The following PGBD5 variants were observed in gnomAD, a reference collection of about 807,000 sequenced individuals.
PGBD5 encodes piggyBac transposable element derived 5.
A neutral mutation model predicts 47.9 loss-of-function variants in PGBD5; 14 were observed. The ratio of observed to expected loss-of-function variants is 0.29; its 90% CI spans 0.19 to 0.46. The LOEUF is 0.46. PGBD5 is among the 20% of genes least tolerant of loss of function. PGBD5 has a pLI of 1.00. For synonymous variants in PGBD5, 316 were observed against 306.3 expected, an observed-to-expected ratio of 1.03 and a Z score of -0.33; for missense variants, 635 against 716.0, an observed-to-expected ratio of 0.89 and a Z score of 1.29.
chr1:230,366,842 C>T (rs1463138388), intron 1 of PGBD5, among the ~76,000 whole-genome samples: 4 of 152,204 alleles, frequency 2.6e-5, no homozygotes, highest in South Asian at 2.1e-4. Flanking sequence ...TCCCGGGAGC[C>T]GACGTACAGA....
At chr1:230,341,538 C>T (rs1444952605) in intron 3 of PGBD5, among the ~76,000 whole-genome samples, 3 of 152,198 alleles carry the variant, frequency 2.0e-5, no homozygotes, top group Admixed American at 2.0e-4. Context: ...ACAGCAGAAT[C>T]ACTGGGAACC....
intron 3 of PGBD5, among the ~76,000 whole-genome samples, chr1:230,346,584 C>G (rs1667475783): frequency 6.6e-6 from 1 of 152,146 alleles, no homozygotes; most frequent in Non-Finnish European, 1.5e-5. Context: ...TTTCCTGAGC[C>G]CTACCTTATA....
In PGBD5 at chr1:230,357,560, G is replaced by C. The variant is rs920008787; in HGVS notation, c.332-239C>G. 1.3e-5 allele frequency among the ~76,000 whole-genome samples: 2 copies of C among 152,192 alleles called. No individual in the cohort carries two copies. Among genetic ancestry groups the C allele is most frequent in the Non-Finnish European group, 2.9e-5 (2 of 68,048 alleles). On this transcript the variant is annotated intron_variant, in intron 1 of 6. Transcript: ENST00000391860. The surrounding 1 kb of genome is among the most constrained non-coding windows in gnomAD (Gnocchi z 5.7). ...GCCAGCTCTCCTGCTGTGTGTGTGG[G>C]AGCGCAGCTCCTCCCAGACACCACA...
At chr1:230,344,496 TG>T (rs1667449706) in intron 3 of PGBD5, among the ~76,000 whole-genome samples, 1 of 152,234 alleles carries the variant, frequency 6.6e-6, no homozygotes, top group African/African-American at 2.4e-5. Flanking sequence ...GCACAGAGCC[TG>T]GCCCACAACA....
chr1:230,379,929 T>C (rs866021050), intron 1 of PGBD5, among the ~76,000 whole-genome samples: 35 of 152,362 alleles, frequency 2.3e-4, no homozygotes, highest in African/African-American at 7.7e-4. Flanking sequence ...GTGGCGGGAT[T>C]TGAACCCAGG....
chr1:230,383,434 G>A (rs1191941536), intron 1 of PGBD5, among the ~76,000 whole-genome samples: 2 of 151,946 alleles, frequency 1.3e-5, no homozygotes, highest in Non-Finnish European at 2.9e-5. Context: ...GTGCAAACAC[G>A]CATCACTGCA....
At chr1:230,373,212 G>A (rs1667955372) in intron 1 of PGBD5, among the ~76,000 whole-genome samples, 1 of 152,172 alleles carries the variant, frequency 6.6e-6, no homozygotes, top group South Asian at 2.1e-4. Flanking sequence ...ACTCTGTGCA[G>A]GTGCAACCCG....
intron 1 of PGBD5, among the ~76,000 whole-genome samples, chr1:230,361,022 C>T (rs1571840087): frequency 6.6e-6 from 1 of 152,152 alleles, no homozygotes; most frequent in African/African-American, 2.4e-5. Context: ...GCTGGGGAGG[C>T]CTTCCTCCCA....
At chr1:230,418,888 AT>A (rs1350326277) in intron 1 of PGBD5, among the ~76,000 whole-genome samples, 1 of 152,246 alleles carries the variant, frequency 6.6e-6, no homozygotes, top group Non-Finnish European at 1.5e-5. Context: ...CATGCAATCT[AT>A]GTGTGCTATG....
At chr1:230,360,858 T>C (rs918129202) in intron 1 of PGBD5, among the ~76,000 whole-genome samples, 4 of 152,194 alleles carry the variant, frequency 2.6e-5, no homozygotes, top group Non-Finnish European at 4.4e-5. Flanking sequence ...CCAGCCAAGA[T>C]AAGACTCGGA....
intron 5 of PGBD5, among the ~76,000 whole-genome samples, chr1:230,330,623 C>T (rs1267892164): frequency 6.6e-6 from 1 of 152,196 alleles, no homozygotes; most frequent in Non-Finnish European, 1.5e-5. Context: ...CAATTTCCCA[C>T]TCATTCCAGC....
Position 230,369,111 on chromosome 1 carries a change from A to G in PGBD5, c.332-11790T>C, listed in dbSNP as rs545896560. Among the ~76,000 whole-genome samples, 4 of 152,380 alleles carry G rather than the reference A, an allele frequency of 2.6e-5. No individual in the cohort carries two copies. In the East Asian group the frequency reaches 7.7e-4, roughly 29 times the overall value. On this transcript the variant is annotated intron_variant, in intron 1 of 6. Transcript: ENST00000391860. ...TGAGAGTCTCGGGTGAAGCCAGAAG[A>G]CTGCAAGGCCCCAAAGGTTCTGGCT...
At chr1:230,394,656 A>G (rs1310583288) in intron 1 of PGBD5, among the ~76,000 whole-genome samples, 13 of 108,118 alleles carry the variant, frequency 1.2e-4, no homozygotes, top group East Asian at 3.0e-4. Flanking sequence ...CGCTCCTCCC[A>G]ATCCCCAAGG....
At chr1:230,362,688 G>C (rs1231776758) in intron 1 of PGBD5, among the ~76,000 whole-genome samples, 1 of 152,198 alleles carries the variant, frequency 6.6e-6, no homozygotes, top group Non-Finnish European at 1.5e-5. Flanking sequence ...GCAGAGGTCA[G>C]GGTTGGTGTG....
At chr1:230,424,708 G>C (rs750206333) in intron 1 of PGBD5, among the ~76,000 whole-genome samples, 1 of 152,250 alleles carries the variant, frequency 6.6e-6, no homozygotes, top group Non-Finnish European at 1.5e-5. Context: ...GCAGGAGCAC[G>C]GGCCTGCTAC....
chr1:230,336,924 T>G (rs1473280496), intron 4 of PGBD5, among the ~76,000 whole-genome samples, 184 bp downstream of exon 4: 2 of 152,236 alleles, frequency 1.3e-5, no homozygotes, highest in Non-Finnish European at 2.9e-5. Context: ...CAATCTCTAG[T>G]GCCCAGCGGG....
chr1:230,329,721 T>TA (rs1667183081), intron 5 of PGBD5, among the ~76,000 whole-genome samples: 1 of 152,216 alleles, frequency 6.6e-6, no homozygotes, highest in South Asian at 2.1e-4. Flanking sequence ...AATTATTCAA[T>TA]AAATGGTTTA....
At chr1:230,351,523 T>G (rs1203755141) in intron 2 of PGBD5, among the ~76,000 whole-genome samples, 1 of 152,094 alleles carries the variant, frequency 6.6e-6, no homozygotes, top group African/African-American at 2.4e-5. Flanking sequence ...TTCCAACTGC[T>G]AAAAAAGTCT....
chr1:230,357,320 A>C lies in PGBD5; in HGVS notation c.333T>G (p.Gly111=). The change falls in exon 2 of 7, where the codon GGT becomes GGG. Residue 111 remains glycine (G), a splice_region_variant and synonymous_variant. Coordinates refer to ENST00000391860, the MANE Select transcript of PGBD5 (RefSeq NM_001258311.2). The surrounding 1 kb of genome is among the most constrained non-coding windows in gnomAD (Gnocchi z 5.7). The part of the protein sequence containing the change: ...RPPPRFEDTG[G]PTRKMPPSAS... ...CGCTGGGGGGCATCTTTCGGGTGGGACCTGAAACCCAAAGACAGGTGGAGT... is the reference window on the plus strand; with the variant it reads ...CGCTGGGGGGCATCTTTCGGGTGGGCCCTGAAACCCAAAGACAGGTGGAGT... The C allele has an allele frequency of 1.2e-6, 2 of 1,612,414 alleles. No homozygotes were observed. Among genetic ancestry groups the C allele is most frequent in the Non-Finnish European group, 1.7e-6 (2 of 1,179,034 alleles).
Sources: gnomAD v4.1 joint callset for allele counts (sites outside exome capture counted in the v4.1 genomes callset) on GRCh38, gnomAD v4.1.1 for gene constraint, Gnocchi (gnomAD v3.1) non-coding constraint, MANE v1.5 for transcripts, NCBI Gene and HGNC (gene_info 2026-07-23, HGNC 2026-07-21) for gene names.